SLC25A21: variants seen among roughly 807,000 people sequenced by gnomAD.
SLC25A21 encodes the protein solute carrier family 25 member 21.
In SLC25A21, 47 loss-of-function variants were observed where a neutral mutation model predicts 43.8. The ratio of observed to expected loss-of-function variants is 1.07; its 90% CI spans 0.85 to 1.37. The LOEUF (loss-of-function observed/expected upper bound fraction) is 1.37. Ranked by LOEUF, SLC25A21 falls within the 40% of genes most tolerant of loss-of-function variation. The pLI is 0.00. For synonymous variants in SLC25A21, 131 were observed against 121.3 expected, an observed-to-expected ratio of 1.08 and a Z score of -0.52; for missense variants, 352 against 350.2, an observed-to-expected ratio of 1.00 and a Z score of -0.04.
chr14:36,813,773 A>C, intron 3 of SLC25A21, 145 bp downstream of exon 3: 1 of 619,138 alleles, frequency 1.6e-6, no homozygotes, highest in South Asian at 2.0e-5. Flanking sequence ...GTTTTCAATC[A>C]CATTATTAGG....
At chr14:36,913,449 A>G (rs1038699266) in intron 1 of SLC25A21, among the ~76,000 whole-genome samples, 9 of 152,160 alleles carry the variant, frequency 5.9e-5, no homozygotes, top group Admixed American at 2.6e-4. Flanking sequence ...CTGATTTTTG[A>G]CTTTTTTGTA....
intron 1 of SLC25A21, among the ~76,000 whole-genome samples, chr14:37,142,794 T>A (rs552927794): frequency 9.8e-5 from 15 of 152,352 alleles, no homozygotes; most frequent in Non-Finnish European, 2.2e-4. Context: ...GAATGAATTG[T>A]AAATTTTCTT....
intron 1 of SLC25A21, among the ~76,000 whole-genome samples, chr14:37,080,679 A>T (rs929657411): frequency 2.6e-5 from 4 of 152,196 alleles, no homozygotes; most frequent in African/African-American, 9.7e-5. Context: ...AAATGAATGA[A>T]TTTATTTGTA....
At chr14:36,932,803 C>T (rs1480474851) in intron 1 of SLC25A21, among the ~76,000 whole-genome samples, 2 of 151,618 alleles carry the variant, frequency 1.3e-5, no homozygotes, top group East Asian at 3.9e-4. Context: ...ACTGAAAAAT[C>T]ATCATGTGTG....
At chr14:37,132,467 C>T (rs1238829148) in intron 1 of SLC25A21, among the ~76,000 whole-genome samples, 1 of 152,146 alleles carries the variant, frequency 6.6e-6, no homozygotes, top group African/African-American at 2.4e-5. Flanking sequence ...TTTTACCTTG[C>T]TGGTGATAGA....
At chr14:36,955,633 G>A (rs1786244316) in intron 1 of SLC25A21, among the ~76,000 whole-genome samples, 1 of 152,118 alleles carries the variant, frequency 6.6e-6, no homozygotes, top group Non-Finnish European at 1.5e-5. Flanking sequence ...CAAGATTAAA[G>A]ATGTATGATA....
intron 1 of SLC25A21, among the ~76,000 whole-genome samples, chr14:36,994,628 A>G: frequency 6.6e-6 from 1 of 152,174 alleles, no homozygotes; most frequent in East Asian, 1.9e-4. Flanking sequence ...AGGTGAACCC[A>G]TCATTGACTA....
Position 37,164,498 on chromosome 14 carries a change from T to C in SLC25A21, c.70+7783A>G, listed in dbSNP as rs190045458. Among the ~76,000 whole-genome samples the C allele has an allele frequency of 2.6e-5, 4 of 152,286 alleles. No homozygotes were observed. The East Asian group carries it at 7.7e-4, about 29-fold the overall frequency. On this transcript the variant is annotated intron_variant, in intron 1 of 9. Transcript: ENST00000331299. ...CCTGAATTTCCAAAGGTGCCATTTA[T>C]CCAAATCACACGTGCATCCCCTTTG...
intron 1 of SLC25A21, among the ~76,000 whole-genome samples, chr14:37,108,806 A>G (rs980567675): frequency 7.9e-5 from 12 of 152,006 alleles, no homozygotes; most frequent in Admixed American, 6.6e-4. Context: ...TCACAAAAAT[A>G]GGACAAGTCA....
At chr14:36,843,424 C>T (rs944449019) in intron 2 of SLC25A21, among the ~76,000 whole-genome samples, 2 of 152,180 alleles carry the variant, frequency 1.3e-5, no homozygotes, top group African/African-American at 4.8e-5. Flanking sequence ...ATTCACTTCA[C>T]CTACCTTATT....
intron 1 of SLC25A21, among the ~76,000 whole-genome samples, chr14:36,962,963 T>C (rs996966553): frequency 6.6e-6 from 1 of 152,232 alleles, no homozygotes; most frequent in East Asian, 1.9e-4. Flanking sequence ...AAATTTTCTT[T>C]TTGGTAGTGG....
intron 1 of SLC25A21, among the ~76,000 whole-genome samples, chr14:37,019,314 C>T (rs1168697701): frequency 6.6e-6 from 1 of 151,784 alleles, no homozygotes; most frequent in Non-Finnish European, 1.5e-5. Flanking sequence ...GCCCTCTAGG[C>T]CTTATACGGC....
chr14:36,924,822 T>A (rs527294297), intron 1 of SLC25A21, among the ~76,000 whole-genome samples: 1 of 152,268 alleles, frequency 6.6e-6, no homozygotes, highest in African/African-American at 2.4e-5. Flanking sequence ...GTATAAGTAA[T>A]CTAGGGATGG....
chr14:37,121,525 C>T (rs1198127960), intron 1 of SLC25A21, among the ~76,000 whole-genome samples: 2 of 152,128 alleles, frequency 1.3e-5, no homozygotes, highest in Non-Finnish European at 2.9e-5. Flanking sequence ...CGATGGCTCA[C>T]AACAGTAGTC....
intron 1 of SLC25A21, among the ~76,000 whole-genome samples, chr14:37,058,060 C>T (rs189602418): frequency 6.6e-6 from 1 of 152,318 alleles, no homozygotes; most frequent in Admixed American, 6.5e-5. Flanking sequence ...CCCAGGCTCA[C>T]ATCACAGTAA....
intron 3 of SLC25A21, among the ~76,000 whole-genome samples, chr14:36,764,195 A>AAAGAAAGAAAGAAAGAAG (rs1467823292): frequency 2.1e-4 from 32 of 149,352 alleles, no homozygotes; most frequent in South Asian, 4.3e-4. Context: ...AAAGAAAGAG[A>AAAGAAAGAAAGAAAGAAG]AAGAAAGAAA....
intron 1 of SLC25A21, among the ~76,000 whole-genome samples, chr14:36,964,325 A>G (rs1333924746): frequency 2.0e-5 from 3 of 152,188 alleles, no homozygotes; most frequent in Admixed American, 2.0e-4. Context: ...TATAGACTCA[A>G]CAAAGTGGAT....
intron 1 of SLC25A21, among the ~76,000 whole-genome samples, chr14:37,127,592 G>C (rs1323753636): frequency 6.6e-6 from 1 of 151,948 alleles, no homozygotes; most frequent in Non-Finnish European, 1.5e-5. Context: ...AGTTGAAATA[G>C]GTTTCCAATT....
At chr14:36,695,716 A>G (rs1361145875) in intron 7 of SLC25A21, among the ~76,000 whole-genome samples, 1 of 151,652 alleles carries the variant, frequency 6.6e-6, no homozygotes, top group African/African-American at 2.4e-5. Context: ...TCTGTCTGTT[A>G]ATGGAGTATA....
Sources: gnomAD v4.1 joint callset for allele counts (sites outside exome capture counted in the v4.1 genomes callset) on GRCh38, gnomAD v4.1.1 for gene constraint, MANE v1.5 for transcripts, NCBI Gene and HGNC (gene_info 2026-07-23, HGNC 2026-07-21) for gene names.